ELMO1: variants seen among roughly 807,000 people sequenced by gnomAD.
The protein encoded by ELMO1 is engulfment and cell motility 1.
Under a neutral mutation model 98.9 loss-of-function variants are expected in ELMO1, and 26 were observed. The ratio of observed to expected loss-of-function variants is 0.26; its 90% confidence interval spans 0.19 to 0.36. The LOEUF (loss-of-function observed/expected upper bound fraction) is 0.36. ELMO1 is among the 10% of genes least tolerant of loss of function. The pLI, the probability that ELMO1 is intolerant of heterozygous loss-of-function variation, is 1.00. For synonymous variants in ELMO1, 346 were observed against 346.0 expected, an observed-to-expected ratio of 1.00 and a Z score of 0.00; for missense variants, 627 against 935.2, an observed-to-expected ratio of 0.67 and a Z score of 4.30.
intron 14 of ELMO1, among the ~76,000 whole-genome samples, chr7:37,132,326 C>CG (rs1786976819): frequency 6.6e-6 from 1 of 152,220 alleles, no homozygotes; most frequent in Non-Finnish European, 1.5e-5. Flanking sequence ...TCTAAGCTTA[C>CG]ATCTAGTCAT....
At chr7:37,400,692 C>T (rs1410159240) in intron 1 of ELMO1, among the ~76,000 whole-genome samples, 4 of 152,146 alleles carry the variant, frequency 2.6e-5, no homozygotes, top group Non-Finnish European at 5.9e-5. Flanking sequence ...TTTAGAGATA[C>T]CAGGAAAGAT....
chr7:37,139,275 C>T (rs1185475986), intron 13 of ELMO1, among the ~76,000 whole-genome samples: 1 of 152,154 alleles, frequency 6.6e-6, no homozygotes, highest in Non-Finnish European at 1.5e-5. Context: ...AAGAGGAAGT[C>T]AAATTGTCAC....
chr7:36,873,237 G>A (rs548419359), intron 19 of ELMO1, among the ~76,000 whole-genome samples: 171 of 152,306 alleles, frequency 1.1e-3, no homozygotes, highest in Non-Finnish European at 2.2e-3. Flanking sequence ...GCATTAGAAA[G>A]GCTCAAATGA....
intron 2 of ELMO1, among the ~76,000 whole-genome samples, chr7:37,321,742 A>G (rs1184444968): frequency 1.4e-5 from 2 of 144,700 alleles, no homozygotes; most frequent in East Asian, 2.0e-4. Flanking sequence ...AAAAAAACAC[A>G]GAAAAGAAAA....
intron 15 of ELMO1, among the ~76,000 whole-genome samples, chr7:37,024,504 C>T (rs111493483): frequency 5.9e-5 from 9 of 152,266 alleles, no homozygotes; most frequent in African/African-American, 1.7e-4. Flanking sequence ...GATATTTCAG[C>T]GTATTATGGA....
rs549011690 is a variant in ELMO1, at chr7:37,406,469, A to G, written c.-74+42206T>C. Among the ~76,000 whole-genome samples the G allele has an allele frequency of 2.2e-4, 34 of 152,064 alleles. 1 individual carries two copies. The South Asian group carries it at 6.9e-3, about 31-fold the overall frequency. On this transcript the variant is annotated intron_variant, in intron 1 of 21. Coordinates refer to ENST00000310758, the MANE Select transcript of ELMO1 (RefSeq NM_014800.11). Reference sequence around the variant, plus strand: ...TTATGAGACAGAGTCTTGCTCTGTCACCCAGGCTAGAGTGCAGTGGCGCGA... The same window carrying G: ...TTATGAGACAGAGTCTTGCTCTGTCGCCCAGGCTAGAGTGCAGTGGCGCGA...
At chr7:36,873,129 T>C (rs1431837870) in intron 19 of ELMO1, among the ~76,000 whole-genome samples, 1 of 152,238 alleles carries the variant, frequency 6.6e-6, no homozygotes, top group Non-Finnish European at 1.5e-5. Flanking sequence ...ATTCATAGGA[T>C]TATGACTAAA....
chr7:37,392,477 A>C (rs750842474), intron 1 of ELMO1, among the ~76,000 whole-genome samples: 1 of 152,254 alleles, frequency 6.6e-6, no homozygotes, highest in Non-Finnish European at 1.5e-5. Context: ...TATCTAAAGC[A>C]TGAGCACGTC....
chr7:37,413,692 G>C (rs995438610), intron 1 of ELMO1, among the ~76,000 whole-genome samples: 9 of 152,044 alleles, frequency 5.9e-5, no homozygotes, highest in Admixed American at 2.6e-4. Flanking sequence ...GGGCAGTTGT[G>C]GGGGAGACAG....
intron 2 of ELMO1, among the ~76,000 whole-genome samples, chr7:37,317,916 T>C (rs954923143): frequency 5.3e-5 from 8 of 152,198 alleles, no homozygotes; most frequent in African/African-American, 1.9e-4. Context: ...CATGCCTGTG[T>C]CAAAACATTT....
chr7:36,917,039 G>C (rs946760433), intron 16 of ELMO1, among the ~76,000 whole-genome samples: 1 of 152,230 alleles, frequency 6.6e-6, no homozygotes, highest in African/African-American at 2.4e-5. Context: ...CTGACTGATA[G>C]AAGCTGCAGG....
intron 14 of ELMO1, among the ~76,000 whole-genome samples, chr7:37,108,506 A>G (rs1032798831): frequency 6.6e-6 from 1 of 152,216 alleles, no homozygotes; most frequent in African/African-American, 2.4e-5. Flanking sequence ...TTTCATTCAC[A>G]TGGCCACATC....
At chr7:36,926,810 A>G (rs969890129) in intron 16 of ELMO1, among the ~76,000 whole-genome samples, 1 of 152,290 alleles carries the variant, frequency 6.6e-6, no homozygotes, top group South Asian at 2.1e-4. Flanking sequence ...CTCATGATTT[A>G]TATTTTTCTA....
intron 4 of ELMO1, among the ~76,000 whole-genome samples, chr7:37,308,757 A>C (rs895782431): frequency 6.6e-6 from 1 of 152,164 alleles, no homozygotes; most frequent in African/African-American, 2.4e-5. Context: ...GGCTGCCCAG[A>C]TGATGAGTGG....
At chr7:37,203,940 G>C (rs1792451349) in intron 13 of ELMO1, among the ~76,000 whole-genome samples, 1 of 152,196 alleles carries the variant, frequency 6.6e-6, no homozygotes, top group African/African-American at 2.4e-5. Context: ...ACTCCGAAGA[G>C]TCAGGGATTG....
chr7:37,266,463 T>C (rs1395636840), intron 5 of ELMO1, among the ~76,000 whole-genome samples: 2 of 152,140 alleles, frequency 1.3e-5, no homozygotes, highest in Non-Finnish European at 2.9e-5. Flanking sequence ...TGCTTACAGC[T>C]GACAAAGCAA....
chr7:37,446,723 C>T (rs1267217548), intron 1 of ELMO1, among the ~76,000 whole-genome samples: 2 of 152,182 alleles, frequency 1.3e-5, no homozygotes, highest in African/African-American at 4.8e-5. Context: ...CTGCCCCTCC[C>T]TGATACCTAC....
intron 12 of ELMO1, 85 bp from the exon 13 acceptor site, chr7:37,211,602 G>A (rs1584815282): frequency 3.5e-5 from 53 of 1,522,508 alleles, no homozygotes; most frequent in Non-Finnish European, 4.1e-5. Flanking sequence ...CTCTTTCCCT[G>A]GGGTCTAAAT....
intron 1 of ELMO1, among the ~76,000 whole-genome samples, chr7:37,393,394 A>G (rs897293062): frequency 1.3e-5 from 2 of 152,170 alleles, no homozygotes; most frequent in Non-Finnish European, 2.9e-5. Context: ...AAATTTCACC[A>G]AATGTCCCGA....
Sources: gnomAD v4.1 joint callset for allele counts (sites outside exome capture counted in the v4.1 genomes callset) on GRCh38, gnomAD v4.1.1 for gene constraint, MANE v1.5 for transcripts, NCBI Gene and HGNC (gene_info 2026-07-23, HGNC 2026-07-21) for gene names.